Variants in VCP observed in about 807,000 individuals in gnomAD.
VCP encodes the protein valosin containing protein.
VCP carries 6 observed loss-of-function variants against 85.7 expected under a neutral mutation model. That is an observed-to-expected ratio of 0.07 (90% CI 0.04 to 0.14). The LOEUF (loss-of-function observed/expected upper bound fraction) is 0.14. Among genes scored for constraint, VCP ranks in the 10% least tolerant of loss-of-function variants. VCP has a pLI of 1.00. For missense variants in VCP, 353 were observed against 1,043.4 expected (o/e 0.34, Z 9.12); for synonymous variants, 384 against 367.1 (o/e 1.05, Z -0.53).
intron 15 of VCP, chr9:35,057,803 G>T: frequency 1.9e-6 from 1 of 514,080 alleles, no homozygotes; most frequent in South Asian, 2.1e-5. Context: ...GAAACTTTTT[G>T]AGATAGTAGA....
In VCP at chr9:35,059,216, C is replaced by T; in HGVS notation, c.2008G>A (p.Val670Met). Residue 670 changes from valine to methionine, a missense_variant, in exon 15 of 17, where the codon GTG becomes ATG. Around this residue, in one of 8 missense-constraint regions of VCP, gnomAD observed 93 missense variants for 197.1 expected, o/e 0.47. Coordinates refer to ENST00000358901, the MANE Select transcript of VCP (RefSeq NM_007126.5). The surrounding 1 kb of genome is among the most constrained non-coding windows in gnomAD (Gnocchi z 4.9). ...ATTTTAGCCAGGAACTCCAAGTCCACATCCTAAAAGCAGCAGCAGAGGTAC... is the reference window on the plus strand; with the variant it reads ...ATTTTAGCCAGGAACTCCAAGTCCATATCCTAAAAGCAGCAGCAGAGGTAC... ...NLRKSPVAKD[V>M]DLEFLAKMTN... 6.2e-7 allele frequency: 1 copy of T among 1,614,230 alleles called. No individual in the cohort carries two copies. Among genetic ancestry groups the T allele is most frequent in the Non-Finnish European group, 8.5e-7 (1 of 1,180,052 alleles).
chr9:35,063,445 G>C (rs982154435), intron 6 of VCP, among the ~76,000 whole-genome samples: 6 of 152,306 alleles, frequency 3.9e-5, no homozygotes, highest in Admixed American at 2.6e-4. Context: ...CCATTTAAGA[G>C]AGCAGGGTCT....
intron 4 of VCP, among the ~76,000 whole-genome samples, chr9:35,065,642 G>A (rs568303553): frequency 7.8e-4 from 118 of 152,238 alleles, no homozygotes; most frequent in African/African-American, 2.8e-3. Context: ...TCTGACTTCT[G>A]CCATATAGGT....
chr9:35,060,131 A>AAG (rs1347258525), intron 13 of VCP, among the ~76,000 whole-genome samples, 182 bp downstream of exon 13: 4 of 69,260 alleles, frequency 5.8e-5, no homozygotes, highest in African/African-American at 8.8e-5. Context: ...ACCCTGTCTC[A>AAG]AGAGAGAGAG....
At chr9:35,071,974 G>C (rs1305106713) in intron 1 of VCP, 7 of 1,086,422 alleles carry the variant, frequency 6.4e-6, no homozygotes, top group Non-Finnish European at 6.7e-6. Context: ...CCGGACGGCA[G>C]ACTGGCGCCC....
intron 5 of VCP, among the ~76,000 whole-genome samples, chr9:35,064,641 G>A (rs1184353144): frequency 6.6e-6 from 1 of 152,236 alleles, no homozygotes; most frequent in Non-Finnish European, 1.5e-5. Flanking sequence ...TAGTCTTACT[G>A]AGAAGGGGTC....
chr9:35,066,210 C>T (rs192811170), intron 4 of VCP, among the ~76,000 whole-genome samples: 4 of 151,620 alleles, frequency 2.6e-5, no homozygotes, highest in African/African-American at 4.8e-5. Flanking sequence ...GCAGATGGAT[C>T]ACTTGAGCCC....
rs377126059 is a variant in VCP at position 35,059,453 on chromosome 9, A to C, written c.2004+40T>G. ...AAGAGCACTCCGTACCAGCCTGAGG[A>C]CTCATGCAAGTCTCCCACAGCCCAT... On this transcript the variant is annotated intron_variant, in intron 14 of 16. Coordinates refer to ENST00000358901, the MANE Select transcript of VCP (RefSeq NM_007126.5). This position sits in a 1 kb window ranked among gnomAD's most constrained non-coding sequence, Gnocchi z 4.9. The C allele has an allele frequency of 3.1e-6, 5 of 1,610,258 alleles. No homozygotes were observed. In the Admixed American group the frequency reaches 8.4e-5, roughly 27 times the overall value.
At chr9:35,066,878 C>T in intron 3 of VCP, 61 bp from the exon 4 acceptor site, 1 of 1,612,528 alleles carries the variant, frequency 6.2e-7, no homozygotes. Context: ...CACTGGGTGT[C>T]CAAAAGGGCC....
At chr9:35,070,861 T>C (rs558750322) in intron 1 of VCP, among the ~76,000 whole-genome samples, 1 of 152,332 alleles carries the variant, frequency 6.6e-6, no homozygotes, top group Admixed American at 6.5e-5. Context: ...TAATTCCCCA[T>C]CTACCTACTG....
rs1468528708 is a variant in VCP at position 35,057,068 on chromosome 9, G to A, written c.*49C>T. On this transcript the variant is annotated 3_prime_UTR_variant, in exon 17 of 17. Coordinates refer to ENST00000358901, the MANE Select transcript of VCP (RefSeq NM_007126.5). ...TCCTGGGCAAGCGCCCCCACCCCCA[G>A]GGAACAAGGTCCAGGCAGGCCAGCT... 2 of 1,602,926 alleles carry A rather than the reference G, an allele frequency of 1.2e-6. No homozygotes were observed. The highest frequency in any genetic ancestry group is 1.3e-5 in the African/African-American group (1 of 74,860).
chr9:35,071,777 C>T, intron 1 of VCP: 1 of 988,844 alleles, frequency 1.0e-6, no homozygotes, highest in Non-Finnish European at 1.2e-6. Context: ...GCCGACCCGG[C>T]TCCAAAAAGG....
intron 6 of VCP, among the ~76,000 whole-genome samples, chr9:35,063,756 C>T (rs986614183): frequency 2.6e-5 from 4 of 152,144 alleles, no homozygotes; most frequent in Admixed American, 2.6e-4. Flanking sequence ...GACTCAGAAC[C>T]CTTTAACACT....
At chr9:35,063,628 G>C (rs1828770631) in intron 6 of VCP, among the ~76,000 whole-genome samples, 2 of 152,140 alleles carry the variant, frequency 1.3e-5, no homozygotes, top group Admixed American at 1.3e-4. Context: ...GAAATTATTT[G>C]TGTGCCACCC....
chr9:35,061,302 C>T (rs1399142499), intron 10 of VCP, 123 bp from the exon 11 acceptor site: 3 of 1,309,288 alleles, frequency 2.3e-6, no homozygotes, highest in East Asian at 2.4e-5. Flanking sequence ...TGAATATATA[C>T]TATCAATACC....
At chr9:35,063,623 T>A (rs746571026) in intron 6 of VCP, among the ~76,000 whole-genome samples, 5 of 152,128 alleles carry the variant, frequency 3.3e-5, no homozygotes, top group Non-Finnish European at 5.9e-5. Context: ...AAAATGAAAT[T>A]ATTTGTGTGC....
chr9:35,061,318 G>A (rs981548804), intron 10 of VCP, 139 bp from the exon 11 acceptor site: 3 of 1,242,966 alleles, frequency 2.4e-6, no homozygotes, highest in African/African-American at 1.5e-5. Flanking sequence ...ATACCTTTAT[G>A]GGCTGGGTTT....
At chr9:35,062,687 C>G (rs918563729) in intron 7 of VCP, among the ~76,000 whole-genome samples, 3 of 152,128 alleles carry the variant, frequency 2.0e-5, no homozygotes, top group African/African-American at 7.2e-5. Context: ...AGTTCATTTG[C>G]CCCAAACCCT....
Position 35,061,559 on chromosome 9 carries a change from C to CCAT in VCP, c.1194+15_1194+17dup. The CCAT allele has an allele frequency of 6.2e-7, 1 of 1,609,482 alleles. No homozygotes were observed. The highest frequency in any genetic ancestry group is 8.5e-7 in the Non-Finnish European group (1 of 1,175,770). On this transcript the variant is annotated intron_variant, in intron 10 of 16. Coordinates refer to ENST00000358901, the MANE Select transcript of VCP (RefSeq NM_007126.5). ...TAGAGACACTGTAACGCCTGGTCAGCCATCATCATCACTTCACCTGTTCCA... is the reference window on the plus strand; with the variant it reads ...TAGAGACACTGTAACGCCTGGTCAGCCATCATCATCATCACTTCACCTGTTCCA...
Sources: allele counts gnomAD v4.1 joint callset (sites outside exome capture counted in the v4.1 genomes callset), GRCh38; gene constraint gnomAD v4.1.1; regional missense constraint gnomAD v4.1.1; non-coding constraint Gnocchi (gnomAD v3.1); transcripts MANE v1.5; gene names NCBI Gene and HGNC (gene_info 2026-07-23, HGNC 2026-07-21).